The following PPRC1 variants were observed in gnomAD, a reference collection of about 807,000 sequenced individuals.
PPRC1 encodes the protein PPARG related coactivator 1.
In PPRC1, 23 loss-of-function variants were observed where a neutral mutation model predicts 132.5. That is an observed-to-expected ratio of 0.17 (90% CI 0.12 to 0.25). The LOEUF (loss-of-function observed/expected upper bound fraction) is 0.25, where lower values mean the gene tolerates loss of function less well. Ranked by LOEUF, PPRC1 falls within the 10% of genes least tolerant of loss-of-function variation. The pLI is 1.00. For synonymous variants in PPRC1, 872 were observed against 833.5 expected (o/e 1.05, Z -0.80); for missense variants, 2,006 against 2,089.1 (o/e 0.96, Z 0.78).
chr10:102,150,042 C>A lies in PPRC1; in HGVS notation c.*13C>A. On this transcript the variant is annotated 3_prime_UTR_variant, in exon 14 of 14. Coordinates refer to ENST00000278070, the MANE Select transcript of PPRC1 (RefSeq NM_015062.5). ...CCTCAGGAGGTAACCTTGGGCCCTT[C>A]CCTGCTATCCTTTTTCTCCTTTGGA... The A allele has an allele frequency of 6.3e-7, 1 of 1,584,974 alleles. No homozygotes were observed. The highest frequency in any genetic ancestry group is 1.1e-5 in the South Asian group (1 of 90,448).
Position 102,140,098 on chromosome 10 carries a change from T to A in PPRC1, c.1590T>A (p.Ala530=), listed in dbSNP as rs1318383404. 6.2e-7 allele frequency: 1 copy of A among 1,614,266 alleles called. No individual in the cohort carries two copies. Among genetic ancestry groups the A allele is most frequent in the Non-Finnish European group, 8.5e-7 (1 of 1,180,044 alleles). ...KPRAWARAWA[A]ALENSSPKNL... ...GGGCTTGGGCTCGGGCCTGGGCAGC[T>A]GCCTTGGAGAATTCTAGCCCTAAGA... is the stretch of plus-strand genomic sequence containing the variant. The change falls in exon 5 of 14, where the codon GCT becomes GCA. Residue 530 remains alanine, a synonymous_variant. Transcript: ENST00000278070.
At chr10:102,149,567 C>G (rs2069423332) in intron 13 of PPRC1, among the ~76,000 whole-genome samples, 1 of 151,988 alleles carries the variant, frequency 6.6e-6, no homozygotes, top group Non-Finnish European at 1.5e-5. Flanking sequence ...CCCATCTCTA[C>G]CAAAAATAGA....
Position 102,138,664 on chromosome 10 carries a change from G to A in PPRC1, c.388G>A (p.Ala130Thr). The A allele has an allele frequency of 6.2e-7, 1 of 1,614,198 alleles. No individual in the cohort carries two copies. The highest frequency in any genetic ancestry group is 8.5e-7 in the Non-Finnish European group (1 of 1,180,028). ...CCAGAATGAAGTGTCGCTGCTCACG[G>A]CTCTGACGGAGATCTTGGACAATGC... Reference protein sequence around the residue: ...EDQNEVSLLTALTEILDNADS... With the variant: ...EDQNEVSLLTTLTEILDNADS... The change falls in exon 3 of 14, where the codon GCT becomes ACT. Residue 130 changes from alanine to threonine, a missense_variant. Physicochemically the swap from Ala to Thr is moderately conservative, Grantham distance 58 (BLOSUM62 0). This residue lies in a region of PPRC1 where 1,914 missense variants were observed against 1,917.2 expected (regional missense o/e 1.00). Coordinates refer to ENST00000278070, the MANE Select transcript of PPRC1 (RefSeq NM_015062.5).
intron 1 of PPRC1, among the ~76,000 whole-genome samples, chr10:102,135,709 T>C (rs1445693125): frequency 6.6e-6 from 1 of 152,198 alleles, no homozygotes; most frequent in Non-Finnish European, 1.5e-5. Flanking sequence ...TTAAACCTAA[T>C]GCTAAGAGCA....
the PPRC1 span, among the ~76,000 whole-genome samples, chr10:102,123,594 C>A: frequency 6.6e-6 from 1 of 151,894 alleles, no homozygotes; most frequent in Non-Finnish European, 1.5e-5. Flanking sequence ...GTGGTGCAAT[C>A]TCAGCTCACT....
intron 6 of PPRC1, 53 bp from the exon 7 acceptor site, chr10:102,144,197 G>GTCTAGAA: frequency 1.3e-6 from 2 of 1,569,948 alleles, no homozygotes; most frequent in South Asian, 2.2e-5. Flanking sequence ...CTTCTGTGCC[G>GTCTAGAA]CCTCAGTCTA....
At chr10:102,143,183 TGA>T (rs2069072861) in intron 6 of PPRC1, 85 bp downstream of exon 6, 3 of 1,316,576 alleles carry the variant, frequency 2.3e-6, no homozygotes, top group Non-Finnish European at 3.3e-6. Context: ...TAAACTAGGG[TGA>T]GAGGGGACAG....
chr10:102,130,240 C>G (rs1008138902), upstream of PPRC1, among the ~76,000 whole-genome samples: 3 of 150,908 alleles, frequency 2.0e-5, no homozygotes, highest in Non-Finnish European at 4.4e-5. Context: ...CATGGTGAAA[C>G]CCCATCTCTA....
At chr10:102,142,960 AGT>A (rs1590344512) in intron 5 of PPRC1, 83 bp from the exon 6 acceptor site, 14 of 1,192,750 alleles carry the variant, frequency 1.2e-5, no homozygotes, top group Non-Finnish European at 1.7e-5. Flanking sequence ...GAAAGGGAGA[AGT>A]GAGATGATTT....
chr10:102,127,046 T>TATGTATATATATAC, the PPRC1 span, among the ~76,000 whole-genome samples: 1 of 56,958 alleles, frequency 1.8e-5, no homozygotes, highest in African/African-American at 3.9e-5. Context: ...TATATATATA[T>TATGTATATATATAC]ATATATATAT....
chr10:102,129,094 T>G (rs908224020), upstream of PPRC1, among the ~76,000 whole-genome samples: 2 of 149,134 alleles, frequency 1.3e-5, no homozygotes, highest in African/African-American at 4.9e-5. Context: ...CACGCCCGGC[T>G]AATTTTTTTG....
intron 7 of PPRC1, 66 bp from the exon 8 acceptor site, chr10:102,144,954 G>T: frequency 3.8e-6 from 5 of 1,320,768 alleles, no homozygotes; most frequent in Non-Finnish European, 4.3e-6. Context: ...TGATTTCTGA[G>T]AAAGGCAAAT....
intron 5 of PPRC1, among the ~76,000 whole-genome samples, chr10:102,142,336 C>T (rs762326902): frequency 1.1e-4 from 16 of 143,746 alleles, no homozygotes; most frequent in Admixed American, 5.0e-4. Context: ...CTCCTGATCT[C>T]GTGATCCGCC....
rs2068839293 is a variant in PPRC1, at chr10:102,139,137, C to T, written c.629C>T (p.Ser210Phe). Residue 210 changes from serine to phenylalanine, a missense_variant, in exon 5 of 14, where the codon TCC becomes TTC. By Grantham distance (155) the Ser-to-Phe change is radical (BLOSUM62 -2). Coordinates refer to ENST00000278070, the MANE Select transcript of PPRC1 (RefSeq NM_015062.5). ...MSLPDPSWDF[S>F]PPSFLETSSP... Reference sequence around the variant, plus strand: ...CTTCCAGATCCCTCTTGGGACTTCTCCCCACCCTCTTTCTTAGAGACCTCT... The same window carrying T: ...CTTCCAGATCCCTCTTGGGACTTCTTCCCACCCTCTTTCTTAGAGACCTCT... 1 of 1,611,540 alleles carries T rather than the reference C, an allele frequency of 6.2e-7. No individual in the cohort carries two copies.
At position 102,145,051 on chromosome 10, in the gene PPRC1, C is replaced by T; in HGVS notation, c.3640C>T (p.Leu1214=). The T allele has an allele frequency of 3.1e-6, 5 of 1,613,958 alleles. No individual in the cohort carries two copies. Among genetic ancestry groups the T allele is most frequent in the Non-Finnish European group, 4.2e-6 (5 of 1,179,890 alleles). Residue 1214 remains leucine (L), a synonymous_variant, in exon 8 of 14, where the codon CTA becomes TTA. Transcript: ENST00000278070. ...GVDIPQEKRP[L]DRLQAPELAN... Reference sequence around the variant, plus strand: ...TGACATTCCCCAGGAGAAGAGGCCCCTAGACCGGTTACAAGCCCCAGAACT... The same window carrying T: ...TGACATTCCCCAGGAGAAGAGGCCCTTAGACCGGTTACAAGCCCCAGAACT...
chr10:102,139,942 G>A lies in PPRC1; in HGVS notation c.1434G>A (p.Arg478=). ...CCTGTGTGGAAGGCTATGCCAGGAGGCTGAGGTCATCTTCTCGCGGGCAGT... is the reference window on the plus strand; with the variant it reads ...CCTGTGTGGAAGGCTATGCCAGGAGACTGAGGTCATCTTCTCGCGGGCAGT... ...PAACVEGYAR[R]LRSSSRGQST... The change falls in exon 5 of 14, where the codon AGG becomes AGA. Residue 478 remains arginine, a synonymous_variant. Coordinates refer to ENST00000278070, the MANE Select transcript of PPRC1 (RefSeq NM_015062.5). 6.2e-7 allele frequency: 1 copy of A among 1,614,250 alleles called. No individual in the cohort carries two copies. Among genetic ancestry groups the A allele is most frequent in the Non-Finnish European group, 8.5e-7 (1 of 1,180,050 alleles).
chr10:102,132,550 C>T (rs2068563273), upstream of PPRC1, among the ~76,000 whole-genome samples: 1 of 152,182 alleles, frequency 6.6e-6, no homozygotes, highest in South Asian at 2.1e-4. Context: ...GGGCGGAGAA[C>T]GCGACATTTT....
intron 9 of PPRC1, among the ~76,000 whole-genome samples, chr10:102,147,987 G>T (rs1406189486): frequency 6.6e-6 from 1 of 152,158 alleles, no homozygotes; most frequent in South Asian, 2.1e-4. Flanking sequence ...CCTGGTAGGG[G>T]AGCAATAGTA....
chr10:102,139,057 T>G, intron 4 of PPRC1, 43 bp from the exon 5 acceptor site: 1 of 1,606,294 alleles, frequency 6.2e-7, no homozygotes, highest in South Asian at 1.1e-5. Context: ...GAAAATACTT[T>G]CCCAAAGAAA....
Sources: gnomAD v4.1 joint callset for allele counts (sites outside exome capture counted in the v4.1 genomes callset) on GRCh38, gnomAD v4.1.1 for gene constraint, gnomAD v4.1.1 regional missense constraint, MANE v1.5 for transcripts, NCBI Gene and HGNC (gene_info 2026-07-23, HGNC 2026-07-21) for gene names.